Variants in ANLN observed in about 807,000 individuals in gnomAD.
ANLN encodes the protein anillin, actin binding protein.
A neutral mutation model predicts 135.1 loss-of-function variants in ANLN; 59 were observed. That is an observed-to-expected ratio of 0.44 (90% CI 0.35 to 0.54). The LOEUF (loss-of-function observed/expected upper bound fraction) is 0.54, where lower values mean the gene tolerates loss of function less well. Ranked by LOEUF, ANLN falls within the 20% of genes least tolerant of loss-of-function variation. The probability of loss-of-function intolerance (pLI) is 0.00; values close to 1 mark genes in which losing one functional copy is unlikely to be tolerated. For synonymous variants in ANLN, 406 were observed against 456.4 expected, an observed-to-expected ratio of 0.89 and a Z score of 1.41; for missense variants, 1,182 against 1,340.0, an observed-to-expected ratio of 0.88 and a Z score of 1.84.
chr7:36,427,190 T>G (rs1387226429), intron 20 of ANLN, among the ~76,000 whole-genome samples, 162 bp downstream of exon 20: 1 of 104,654 alleles, frequency 9.6e-6, no homozygotes, highest in Non-Finnish European at 1.9e-5. Flanking sequence ...TACCTAAATG[T>G]TTTTTTTTTT....
chr7:36,427,776 A>G (rs574103301), intron 20 of ANLN, among the ~76,000 whole-genome samples: 1 of 152,186 alleles, frequency 6.6e-6, no homozygotes, highest in Non-Finnish European at 1.5e-5. Context: ...TCCTTCTCAT[A>G]CTTCCCTTTC....
Position 36,422,793 on chromosome 7 carries a change from T to G in ANLN, c.2460T>G (p.Ser820Arg). Reference protein sequence around the residue: ...RLPLKADFVCSTVQKPDAANY... With the variant: ...RLPLKADFVCRTVQKPDAANY... ...CTCTAAAAGCAGATTTTGTCTGCAGTACGGTTCAGAAACCAGGTATGGTGG... is the reference window on the plus strand; with the variant it reads ...CTCTAAAAGCAGATTTTGTCTGCAGGACGGTTCAGAAACCAGGTATGGTGG... Residue 820 changes from serine (S) to arginine (R), a missense_variant, in exon 14 of 24, where the codon AGT becomes AGG. Physicochemically the swap from Ser to Arg is moderately radical, Grantham distance 110. This residue lies in a region of ANLN where 1,022 missense variants were observed against 1,134.0 expected (regional missense o/e 0.90). Coordinates refer to ENST00000265748, the MANE Select transcript of ANLN (RefSeq NM_018685.5). The G allele has an allele frequency of 1.2e-6, 2 of 1,605,052 alleles. No homozygotes were observed. Among genetic ancestry groups the G allele is most frequent in the Non-Finnish European group, 1.7e-6 (2 of 1,177,510 alleles).
At chr7:36,443,587 A>G (rs2116800249) in intron 21 of ANLN, among the ~76,000 whole-genome samples, 168 bp from the exon 22 acceptor site, 1 of 152,336 alleles carries the variant, frequency 6.6e-6, no homozygotes, top group South Asian at 2.1e-4. Flanking sequence ...GATATGAATA[A>G]TCAGTGATTT....
intron 8 of ANLN, among the ~76,000 whole-genome samples, chr7:36,416,767 G>A (rs1459600613): frequency 6.6e-6 from 1 of 150,384 alleles, no homozygotes; most frequent in Non-Finnish European, 1.5e-5. Flanking sequence ...TCTCGGTGGG[G>A]GAAAAGTTAA....
At chr7:36,406,771 T>C (rs756035990) in intron 4 of ANLN, among the ~76,000 whole-genome samples, 11 of 152,192 alleles carry the variant, frequency 7.2e-5, no homozygotes, top group Non-Finnish European at 1.5e-4. Context: ...CAATTAGCAG[T>C]TGACAGCTGA....
intron 17 of ANLN, 46 bp downstream of exon 17, chr7:36,424,788 T>C (rs1788014499): frequency 1.3e-6 from 2 of 1,554,898 alleles, no homozygotes; most frequent in Middle Eastern, 1.9e-4. Flanking sequence ...TCAGAAGTAA[T>C]AGATATCATC....
chr7:36,414,644 A>G (rs573353414), intron 7 of ANLN, among the ~76,000 whole-genome samples: 20 of 152,198 alleles, frequency 1.3e-4, no homozygotes, highest in Non-Finnish European at 2.4e-4. Context: ...TAGATGAGAT[A>G]TGAGACCGTA....
chr7:36,411,234 G>A, intron 7 of ANLN, 68 bp downstream of exon 7: 1 of 1,243,144 alleles, frequency 8.0e-7, no homozygotes, highest in Non-Finnish European at 1.1e-6. Flanking sequence ...TTGTAGTTCT[G>A]TATTGGCAAA....
intron 17 of ANLN, 26 bp from the exon 18 acceptor site, chr7:36,425,676 A>T (rs189923477): frequency 1.9e-6 from 3 of 1,540,600 alleles, no homozygotes; most frequent in Non-Finnish European, 2.7e-6. Flanking sequence ...TAAGAAATAT[A>T]TATAGTAAGC....
intron 8 of ANLN, 69 bp downstream of exon 8, chr7:36,415,953 A>G: frequency 7.5e-7 from 1 of 1,327,608 alleles, no homozygotes; most frequent in South Asian, 1.6e-5. Flanking sequence ...TTGATTTTGT[A>G]TTCTGTAACT....
In ANLN at chr7:36,420,312, C is replaced by T; in HGVS notation, c.2013C>T (p.Tyr671=). ...GTTCTGAAGATCGTGATCTTCTTTA[C>T]AGGTAAGAACATTTCTGGAAGGCAT... The part of the protein sequence containing the change: ...SLGSEDRDLL[Y]SIDAYRSQRF... Residue 671 remains tyrosine, a splice_region_variant and synonymous_variant, in exon 11 of 24, where the codon TAC becomes TAT. Coordinates refer to ENST00000265748, the MANE Select transcript of ANLN (RefSeq NM_018685.5). The T allele has an allele frequency of 6.2e-7, 1 of 1,613,546 alleles. No individual in the cohort carries two copies. Among genetic ancestry groups the T allele is most frequent in the South Asian group, 1.1e-5 (1 of 91,038 alleles).
chr7:36,393,585 A>G (rs1786571300), intron 1 of ANLN, among the ~76,000 whole-genome samples: 1 of 152,218 alleles, frequency 6.6e-6, no homozygotes, highest in South Asian at 2.1e-4. Context: ...CTTTGGGATG[A>G]AGACTTAACG....
rs761866200 is a variant in ANLN at position 36,419,361 on chromosome 7, A to G, written c.1751A>G (p.Gln584Arg). ...EEGELDMEKS[Q>R]EEMDQALAES... ...GGTGAACTAGATATGGAGAAGAGCCAAGAGGAGATGGATCAAGCATTAGCA... is the reference window on the plus strand; with the variant it reads ...GGTGAACTAGATATGGAGAAGAGCCGAGAGGAGATGGATCAAGCATTAGCA... The change falls in exon 10 of 24, where the codon CAA (glutamine) becomes CGA (arginine). Residue 584 changes from glutamine to arginine, a missense_variant. Gln to Arg is a conservative substitution (Grantham distance 43, BLOSUM62 1). This residue lies in a region of ANLN where 1,022 missense variants were observed against 1,134.0 expected (regional missense o/e 0.90). Coordinates refer to ENST00000265748, the MANE Select transcript of ANLN (RefSeq NM_018685.5). 2 of 1,614,168 alleles carry G rather than the reference A, an allele frequency of 1.2e-6. No individual in the cohort carries two copies. Among genetic ancestry groups the G allele is most frequent in the Non-Finnish European group, 1.7e-6 (2 of 1,180,010 alleles).
intron 5 of ANLN, among the ~76,000 whole-genome samples, chr7:36,409,998 T>C (rs778869935): frequency 2.0e-5 from 3 of 152,164 alleles, no homozygotes; most frequent in Non-Finnish European, 2.9e-5. Context: ...CACTGTAAAG[T>C]CAAGGTGTCC....
Position 36,424,582 on chromosome 7 carries a change from G to A in ANLN, c.2641G>A (p.Val881Ile), listed in dbSNP as rs370220705. The A allele has an allele frequency of 2.5e-6, 4 of 1,600,616 alleles. No homozygotes were observed. Among genetic ancestry groups the A allele is most frequent in the Admixed American group, 1.7e-5 (1 of 59,432 alleles). The change falls in exon 16 of 24, where the codon GTT (valine) becomes ATT (isoleucine). Residue 881 changes from valine (V) to isoleucine (I), a missense_variant. Coordinates refer to ENST00000265748, the MANE Select transcript of ANLN (RefSeq NM_018685.5). ...VSNDFEINIE[V>I]YSLVQKKDPS... ...CAATGACTTTGAAATAAATATTGAA[G>A]TTTACAGCTTGGTAAGCTGATAAAG... is the stretch of plus-strand genomic sequence containing the variant.
chr7:36,406,518 A>C lies in ANLN; in HGVS notation c.825A>C (p.Ser275=). The change falls in exon 4 of 24, where the codon TCA becomes TCC. Residue 275 remains serine (S), a synonymous_variant. Transcript: ENST00000265748. ...GDASLNKALS[S]SADDASLVNA... ...CCTCTTTGAATAAAGCCCTATCCTC[A>C]AGTGCTGATGATGCGTCTTTGGTTA... 1 of 1,551,896 alleles carries C rather than the reference A, an allele frequency of 6.4e-7. No individual in the cohort carries two copies. Among genetic ancestry groups the C allele is most frequent in the Non-Finnish European group, 8.7e-7 (1 of 1,145,526 alleles).
chr7:36,447,182 A>T (rs148559752), intron 22 of ANLN, among the ~76,000 whole-genome samples: 26 of 152,254 alleles, frequency 1.7e-4, no homozygotes, highest in African/African-American at 6.0e-4. Flanking sequence ...ACTAGCATGA[A>T]TTTCTTTTTC....
chr7:36,397,118 T>C (rs1692062024), intron 2 of ANLN, among the ~76,000 whole-genome samples: 2 of 151,204 alleles, frequency 1.3e-5, no homozygotes, highest in Admixed American at 6.6e-5. Flanking sequence ...AAATAAAATA[T>C]AGAAAAAATT....
intron 20 of ANLN, among the ~76,000 whole-genome samples, chr7:36,433,034 G>T (rs1018427533): frequency 6.6e-6 from 1 of 152,056 alleles, no homozygotes; most frequent in Admixed American, 6.5e-5. Flanking sequence ...CAGGCTGGCC[G>T]TGAACTCCTG....
Sources: allele counts gnomAD v4.1 joint callset (sites outside exome capture counted in the v4.1 genomes callset), GRCh38; gene constraint gnomAD v4.1.1; regional missense constraint gnomAD v4.1.1; transcripts MANE v1.5; gene names NCBI Gene and HGNC (gene_info 2026-07-23, HGNC 2026-07-21).